The following SRSF11 variants were observed in gnomAD, a reference collection of about 807,000 sequenced individuals.
SRSF11 encodes the protein serine and arginine rich splicing factor 11, also known as serine/arginine-rich splicing factor 11.
Under a neutral mutation model 56.0 loss-of-function variants are expected in SRSF11, and 9 were observed. The ratio of observed to expected loss-of-function variants is 0.16; its 90% confidence interval spans 0.10 to 0.28. The LOEUF (loss-of-function observed/expected upper bound fraction) is 0.28. Ranked by LOEUF, SRSF11 falls within the 10% of genes least tolerant of loss-of-function variation. The pLI is 1.00. For synonymous variants in SRSF11, 222 were observed against 215.3 expected, an observed-to-expected ratio of 1.03 and a Z score of -0.27; for missense variants, 421 against 600.7, an observed-to-expected ratio of 0.70 and a Z score of 3.13.
At chr1:70,246,765 A>C in intron 8 of SRSF11, 53 bp from the exon 9 acceptor site, 4 of 1,166,248 alleles carry the variant, frequency 3.4e-6, no homozygotes, top group Non-Finnish European at 5.0e-6. Context: ...TGCTATATAA[A>C]TTGGCATCAG....
chr1:70,211,010 T>C (rs1195482916), intron 1 of SRSF11, among the ~76,000 whole-genome samples: 3 of 152,200 alleles, frequency 2.0e-5, no homozygotes, highest in African/African-American at 7.2e-5. Context: ...TTGAGATTTG[T>C]TTATCGGTTC....
chr1:70,218,745 C>A (rs1313125788), upstream of SRSF11: 1 of 152,138 alleles, frequency 6.6e-6, no homozygotes, highest in Non-Finnish European at 1.5e-5. Context: ...CTGTAACTGG[C>A]AGTTACATAT....
upstream of SRSF11, among the ~76,000 whole-genome samples, chr1:70,218,369 T>A (rs907435214): frequency 6.6e-6 from 1 of 152,246 alleles, no homozygotes; most frequent in Non-Finnish European, 1.5e-5. Flanking sequence ...TATTTTAAAA[T>A]CCTCTTCAGT....
At position 70,233,551 on chromosome 1, in the gene SRSF11, A is replaced by G. The variant is rs533537827; in HGVS notation, c.448-1145A>G. On this transcript the variant is annotated intron_variant, in intron 3 of 11. Coordinates refer to ENST00000370949, the MANE Select transcript of SRSF11 (RefSeq NM_001350605.2). ...CACCGCGCCCAGTCCAGATCTGGGT[A>G]ATTTTCTAAATTCCTTTAATGTATA... Among the ~76,000 whole-genome samples the G allele has an allele frequency of 3.3e-3, 505 of 152,302 alleles. 5 individuals are homozygous for G. The highest frequency in any genetic ancestry group is 0.031 in the South Asian group (149 of 4,826).
intron 1 of SRSF11, among the ~76,000 whole-genome samples, chr1:70,225,317 T>C (rs1313408608): frequency 1.3e-5 from 2 of 152,238 alleles, no homozygotes; most frequent in African/African-American, 4.8e-5. Context: ...GGAAAGAGTT[T>C]AGTGCACCTT....
At position 70,239,472 on chromosome 1, in the gene SRSF11, C is replaced by T; in HGVS notation, c.752C>T (p.Ser251Leu). Reference sequence around the variant, plus strand: ...GAAGAAAAAAGAAGGCATTCAAGATCAAGATCACGTTCTAGGAGGAGGAGG... The same window carrying T: ...GAAGAAAAAAGAAGGCATTCAAGATTAAGATCACGTTCTAGGAGGAGGAGG... ...KKEEKRRHSRSRSRSRRRRTP... is the reference protein window; with the variant it reads ...KKEEKRRHSRLRSRSRRRRTP... The change falls in exon 7 of 12, where the codon TCA becomes TTA. Residue 251 changes from serine to leucine, a missense_variant. Transcript: ENST00000370949. 1 of 1,608,698 alleles carries T rather than the reference C, an allele frequency of 6.2e-7. No individual in the cohort carries two copies. Among genetic ancestry groups the T allele is most frequent in the East Asian group, 2.2e-5 (1 of 44,656 alleles).
chr1:70,223,078 A>T (rs531583296), intron 1 of SRSF11, among the ~76,000 whole-genome samples: 13 of 152,334 alleles, frequency 8.5e-5, no homozygotes, highest in African/African-American at 3.1e-4. Flanking sequence ...AAAGACAAAT[A>T]GCTTTCATAA....
At chr1:70,219,658 G>A (rs1670336006), upstream of SRSF11, among the ~76,000 whole-genome samples, 2 of 152,238 alleles carry the variant, frequency 1.3e-5, no homozygotes, top group Non-Finnish European at 2.9e-5. Flanking sequence ...ATCCCCCACA[G>A]ATACTGAGGG....
intron 8 of SRSF11, 148 bp downstream of exon 8, chr1:70,244,963 C>G (rs1397236748): frequency 1.9e-5 from 13 of 687,594 alleles, no homozygotes; most frequent in Non-Finnish European, 2.4e-5. Context: ...TTTGAGGAGG[C>G]TGACGTTTGC....
upstream of SRSF11, among the ~76,000 whole-genome samples, chr1:70,220,148 T>TA (rs1216516581): frequency 6.6e-6 from 1 of 152,242 alleles, no homozygotes; most frequent in Non-Finnish European, 1.5e-5. Context: ...CTTTGAGTGA[T>TA]ACATGTCAAT....
intron 7 of SRSF11, among the ~76,000 whole-genome samples, chr1:70,240,498 AT>A (rs1444208584): frequency 6.6e-6 from 1 of 152,204 alleles, no homozygotes; most frequent in African/African-American, 2.4e-5. Context: ...TTTGAAAATA[AT>A]TTTGACCTTA....
Position 70,228,403 on chromosome 1 carries a change from T to G in SRSF11, c.204-19T>G. On this transcript the variant is annotated intron_variant, in intron 1 of 11. Coordinates refer to ENST00000370949, the MANE Select transcript of SRSF11 (RefSeq NM_001350605.2). ...ACTGCTATTCTGTTTCTCTTTTATG[T>G]TATTTGTTTATTTTTTAGTGATTCG... 1.3e-6 allele frequency: 2 copies of G among 1,577,604 alleles called. No individual in the cohort carries two copies. The highest frequency in any genetic ancestry group is 4.5e-5 in the East Asian group (2 of 44,566).
intron 10 of SRSF11, 74 bp from the exon 11 acceptor site, chr1:70,250,291 A>G: frequency 1.3e-6 from 2 of 1,579,648 alleles, no homozygotes; most frequent in South Asian, 1.2e-5. Context: ...TACTACTTAT[A>G]TCCTGTGAAA....
chr1:70,206,846 A>G lies in SRSF11; in HGVS notation c.-26+1066A>G, dbSNP rs529602416. Among the ~76,000 whole-genome samples the G allele has an allele frequency of 2.0e-4, 31 of 151,414 alleles. No individual in the cohort carries two copies. In the East Asian group the frequency reaches 4.7e-3, roughly 23 times the overall value. On this transcript the variant is annotated intron_variant, in intron 1 of 12. Coordinates refer to the SRSF11 transcript ENST00000370950. ...TAATATCGAACAAGAGAAAGTTACC[A>G]ATAGTTGTTACCCTACTAAAAAAGC... is the stretch of plus-strand genomic sequence containing the variant.
At chr1:70,209,740 C>CTT (rs923729248) in intron 1 of SRSF11, among the ~76,000 whole-genome samples, 605 of 27,448 alleles carry the variant, frequency 0.022, 210 homozygotes, top group Non-Finnish European at 0.03. Context: ...CACCTCGCTT[C>CTT]TTTTTTTTTT....
At chr1:70,230,457 A>G (rs1387253915) in intron 2 of SRSF11, 3 of 1,194,678 alleles carry the variant, frequency 2.5e-6, no homozygotes, top group African/African-American at 3.3e-5. Flanking sequence ...TTTGGAAGGA[A>G]CTCTTAATAG....
chr1:70,236,104 G>A (rs182798711), intron 5 of SRSF11, among the ~76,000 whole-genome samples: 24 of 152,092 alleles, frequency 1.6e-4, no homozygotes, highest in African/African-American at 5.8e-4. Context: ...AAGTGAGAGA[G>A]CATGAAAAGG....
intron 5 of SRSF11, 70 bp from the exon 6 acceptor site, chr1:70,237,355 T>G: frequency 6.3e-7 from 1 of 1,581,906 alleles, no homozygotes; most frequent in South Asian, 1.2e-5. Flanking sequence ...GTTATATACT[T>G]AAGTATTTAT....
rs185320426 is a variant in SRSF11, at chr1:70,223,141, A to G, written c.203+1302A>G. Among the ~76,000 whole-genome samples, 431 of 152,322 alleles carry G rather than the reference A, an allele frequency of 2.8e-3. 4 individuals carry two copies. Among genetic ancestry groups the G allele is most frequent in the Non-Finnish European group, 4.3e-3 (293 of 68,000 alleles). ...CTGTTGTTCAGTTTTCTCAAGACTT[A>G]CTGTTTTAAGCTTGTAAAATTAATG... On this transcript the variant is annotated intron_variant, in intron 1 of 11. Transcript: ENST00000370949.
Sources: allele counts gnomAD v4.1 joint callset (sites outside exome capture counted in the v4.1 genomes callset), GRCh38; gene constraint gnomAD v4.1.1; transcripts MANE v1.5; gene names NCBI Gene and HGNC (gene_info 2026-07-23, HGNC 2026-07-21).